CAV1: variants seen among roughly 807,000 people sequenced by gnomAD.
CAV1 encodes caveolin 1.
A neutral mutation model predicts 16.5 loss-of-function variants in CAV1; 10 were observed. The observed-to-expected ratio is 0.61, with a 90% confidence interval of 0.37 to 1.03. CAV1 has a LOEUF of 1.03. CAV1 is among the 50% of genes least tolerant of loss of function. The probability of loss-of-function intolerance (pLI) is 0.01; values close to 1 mark genes in which losing one functional copy is unlikely to be tolerated. For synonymous variants in CAV1, 76 were observed against 85.1 expected (o/e 0.89, Z 0.59); for missense variants, 212 against 232.8 (o/e 0.91, Z 0.58).
At chr7:116,557,875 C>T (rs929866562) in intron 2 of CAV1, among the ~76,000 whole-genome samples, 5 of 152,244 alleles carry the variant, frequency 3.3e-5, no homozygotes, top group African/African-American at 1.2e-4. Flanking sequence ...GCTACACTCC[C>T]CTGCTCCCAC....
chr7:116,546,551 G>A (rs1409968146), intron 2 of CAV1, among the ~76,000 whole-genome samples: 1 of 151,272 alleles, frequency 6.6e-6, no homozygotes, highest in Non-Finnish European at 1.5e-5. Flanking sequence ...AAAAAAATTA[G>A]TCAGGTGTGG....
chr7:116,526,270 CG>C, intron 1 of CAV1: 2 of 1,256,858 alleles, frequency 1.6e-6, no homozygotes, highest in East Asian at 4.1e-5. Flanking sequence ...TGGCGGCGGG[CG>C]GGGGAGGCAG....
chr7:116,555,483 GAAAAGAAAGAAAGAAA>G (rs1794246655), intron 2 of CAV1, among the ~76,000 whole-genome samples: 5 of 15,388 alleles, frequency 3.2e-4, no homozygotes, highest in East Asian at 4.1e-3. Flanking sequence ...AAGGAGGAAA[GAAAAGAAAGAAAGAAA>G]GAAAGAAAGA....
intron 2 of CAV1, among the ~76,000 whole-genome samples, chr7:116,530,434 T>C (rs932299370): frequency 1.3e-5 from 2 of 152,168 alleles, no homozygotes; most frequent in African/African-American, 4.8e-5. Context: ...TAGTGTTGAA[T>C]ATTGCATAAC....
At chr7:116,557,064 A>G (rs570240780) in intron 2 of CAV1, among the ~76,000 whole-genome samples, 7 of 152,296 alleles carry the variant, frequency 4.6e-5, no homozygotes, top group Admixed American at 6.5e-5. Flanking sequence ...TATTGACCTG[A>G]TTTGCCATGT....
intron 2 of CAV1, among the ~76,000 whole-genome samples, chr7:116,530,208 C>CTCTTTTT (rs370865342): frequency 8.0e-6 from 1 of 125,360 alleles, no homozygotes; most frequent in African/African-American, 3.2e-5. Context: ...GTCCTTTTTC[C>CTCTTTTT]TTTTTTTTTT....
intron 2 of CAV1, among the ~76,000 whole-genome samples, chr7:116,540,750 A>G (rs1793918514): frequency 6.6e-6 from 1 of 152,260 alleles, no homozygotes; most frequent in Non-Finnish European, 1.5e-5. Flanking sequence ...AACACAAAGT[A>G]AGATGATGTT....
chr7:116,532,457 C>T (rs1396219621), intron 2 of CAV1, among the ~76,000 whole-genome samples: 1 of 152,182 alleles, frequency 6.6e-6, no homozygotes, highest in Non-Finnish European at 1.5e-5. Context: ...CCATAATCCC[C>T]CTGGCTGTGG....
At chr7:116,547,838 C>T (rs903743805) in intron 2 of CAV1, among the ~76,000 whole-genome samples, 1 of 152,140 alleles carries the variant, frequency 6.6e-6, no homozygotes, top group South Asian at 2.1e-4. Context: ...AGCAACAACC[C>T]TAAGATATAG....
chr7:116,528,317 T>A (rs1584767796), intron 2 of CAV1, among the ~76,000 whole-genome samples: 2 of 152,212 alleles, frequency 1.3e-5, no homozygotes, highest in South Asian at 4.1e-4. Flanking sequence ...GAAAAGAGAC[T>A]TCAACACAGA....
chr7:116,546,697 C>CAAAAAAAAAA (rs5886830), intron 2 of CAV1, among the ~76,000 whole-genome samples: 6 of 88,404 alleles, frequency 6.8e-5, no homozygotes, highest in East Asian at 5.9e-4. Flanking sequence ...GACTCTGTCA[C>CAAAAAAAAAA]AAAAAAAAAA....
intron 2 of CAV1, among the ~76,000 whole-genome samples, chr7:116,555,895 C>T (rs1306157369): frequency 7.9e-5 from 12 of 152,132 alleles, no homozygotes; most frequent in Admixed American, 2.0e-4. Flanking sequence ...ACCTGCCTTG[C>T]TTCCTTTTTC....
At chr7:116,531,507 T>C (rs1438450562) in intron 2 of CAV1, among the ~76,000 whole-genome samples, 2 of 152,220 alleles carry the variant, frequency 1.3e-5, no homozygotes, top group Non-Finnish European at 2.9e-5. Flanking sequence ...TCTAGAGCAA[T>C]TGGTGATTAA....
chr7:116,529,028 C>G (rs1303959977), intron 2 of CAV1, among the ~76,000 whole-genome samples: 3 of 152,094 alleles, frequency 2.0e-5, no homozygotes, highest in African/African-American at 7.2e-5. Context: ...CGGGGTTTCA[C>G]CATGTTGGCC....
chr7:116,556,528 A>G (rs1310234331), intron 2 of CAV1, among the ~76,000 whole-genome samples: 1 of 152,194 alleles, frequency 6.6e-6, no homozygotes. Flanking sequence ...GCATTTCTGA[A>G]CCTCACATTT....
chr7:116,533,024 T>A (rs1793716115), intron 2 of CAV1, among the ~76,000 whole-genome samples: 1 of 152,076 alleles, frequency 6.6e-6, no homozygotes, highest in African/African-American at 2.4e-5. Context: ...GGAGCAAAAT[T>A]GTTTGTCTAA....
intron 2 of CAV1, among the ~76,000 whole-genome samples, chr7:116,542,329 A>G (rs1462884432): frequency 2.0e-5 from 3 of 152,224 alleles, no homozygotes; most frequent in Non-Finnish European, 2.9e-5. Context: ...TCATCTGGGG[A>G]ACATTTAAAA....
At chr7:116,541,957 C>G (rs1793949963) in intron 2 of CAV1, among the ~76,000 whole-genome samples, 1 of 152,158 alleles carries the variant, frequency 6.6e-6, no homozygotes, top group African/African-American at 2.4e-5. Flanking sequence ...CACACAGCCT[C>G]ATAATTAAAC....
At chr7:116,545,703 A>G (rs1373410919) in intron 2 of CAV1, among the ~76,000 whole-genome samples, 1 of 152,268 alleles carries the variant, frequency 6.6e-6, no homozygotes, top group African/African-American at 2.4e-5. Context: ...AAAAAGCTGT[A>G]GTTCAAACAA....
Sources: allele counts gnomAD v4.1 joint callset (sites outside exome capture counted in the v4.1 genomes callset), GRCh38; gene constraint gnomAD v4.1.1; transcripts MANE v1.5; gene names NCBI Gene and HGNC (gene_info 2026-07-23, HGNC 2026-07-21).